EPB41L4B: variants seen among roughly 807,000 people sequenced by gnomAD.
The protein encoded by EPB41L4B is erythrocyte membrane protein band 4.1 like 4B.
In EPB41L4B, 30 loss-of-function variants were observed where a neutral mutation model predicts 112.5. The observed-to-expected ratio is 0.27, with a 90% CI of 0.20 to 0.36. EPB41L4B has a LOEUF of 0.36. Among genes scored for constraint, EPB41L4B ranks in the 10% least tolerant of loss-of-function variants. The probability of loss-of-function intolerance (pLI) is 1.00; values close to 1 mark genes in which losing one functional copy is unlikely to be tolerated. For missense variants in EPB41L4B, 1,024 were observed against 1,133.3 expected (o/e 0.90, Z 1.38); for synonymous variants, 408 against 439.7 (o/e 0.93, Z 0.90).
At chr9:109,238,026 T>C (rs1461606357) in intron 15 of EPB41L4B, among the ~76,000 whole-genome samples, 1 of 151,814 alleles carries the variant, frequency 6.6e-6, no homozygotes, top group Non-Finnish European at 1.5e-5. Flanking sequence ...GGATGAAGGG[T>C]GAGAGGCAAG....
chr9:109,319,598 C>T (rs936481436), intron 1 of EPB41L4B, among the ~76,000 whole-genome samples: 1 of 152,220 alleles, frequency 6.6e-6, no homozygotes, highest in African/African-American at 2.4e-5. Context: ...CAGAAATGGT[C>T]TAACCCCCGC....
At chr9:109,317,958 T>A (rs1837694572) in intron 1 of EPB41L4B, among the ~76,000 whole-genome samples, 2 of 152,194 alleles carry the variant, frequency 1.3e-5, no homozygotes, top group African/African-American at 4.8e-5. Flanking sequence ...TAACTCAGAA[T>A]TAATTACAGG....
intron 18 of EPB41L4B, among the ~76,000 whole-genome samples, chr9:109,206,974 T>C (rs1833009715): frequency 1.3e-5 from 2 of 152,196 alleles, no homozygotes; most frequent in Admixed American, 6.5e-5. Flanking sequence ...CACTGGCAGA[T>C]CCAGCTGCAT....
chr9:109,319,566 T>G (rs1010807776), intron 1 of EPB41L4B, among the ~76,000 whole-genome samples: 2 of 152,062 alleles, frequency 1.3e-5, no homozygotes, highest in African/African-American at 4.8e-5. Context: ...ATGGGGTGTA[T>G]CCAGAAGGGA....
At chr9:109,228,093 T>G (rs899929172) in intron 15 of EPB41L4B, among the ~76,000 whole-genome samples, 1 of 152,232 alleles carries the variant, frequency 6.6e-6, no homozygotes, top group Non-Finnish European at 1.5e-5. Flanking sequence ...AGAATAATAT[T>G]GAATATCAGC....
At chr9:109,319,819 G>A (rs1237684170) in intron 1 of EPB41L4B, among the ~76,000 whole-genome samples, 2 of 152,018 alleles carry the variant, frequency 1.3e-5, no homozygotes, top group African/African-American at 2.4e-5. Context: ...ACCCACACCA[G>A]GGGGGGCGGG....
intron 6 of EPB41L4B, 128 bp from the exon 7 acceptor site, chr9:109,258,425 C>CGAAAGGAGAGAG: frequency 1.0e-6 from 1 of 967,434 alleles, no homozygotes; most frequent in Non-Finnish European, 1.5e-6. Flanking sequence ...TAACTCTCTC[C>CGAAAGGAGAGAG]TTTCGGGAAG....
chr9:109,202,395 G>A (rs1832865197), intron 19 of EPB41L4B, among the ~76,000 whole-genome samples: 1 of 152,144 alleles, frequency 6.6e-6, no homozygotes, highest in African/African-American at 2.4e-5. Context: ...CTAGGTGCCC[G>A]CTAACATGAT....
chr9:109,217,511 G>A (rs922429440), intron 15 of EPB41L4B, among the ~76,000 whole-genome samples: 6 of 152,066 alleles, frequency 3.9e-5, no homozygotes, highest in Non-Finnish European at 7.4e-5. Context: ...GAAGTCTTGG[G>A]GTCAGTTTCT....
At chr9:109,219,853 T>C (rs1423940316) in intron 15 of EPB41L4B, among the ~76,000 whole-genome samples, 1 of 152,084 alleles carries the variant, frequency 6.6e-6, no homozygotes, top group African/African-American at 2.4e-5. Context: ...CTGTGTGTAA[T>C]GGGTAAGCTG....
chr9:109,312,035 AC>A lies in EPB41L4B; in HGVS notation c.306+8105del, dbSNP rs1291046904. On this transcript the variant is annotated intron_variant, in intron 1 of 25. Coordinates refer to ENST00000374566, the MANE Select transcript of EPB41L4B (RefSeq NM_019114.5). ...CCAGAGACAGGTATTACTCACTCAA[AC>A]CACATCACACACAGCAGAGAATAAG... Among the ~76,000 whole-genome samples the A allele has an allele frequency of 2.6e-5, 4 of 152,206 alleles. No individual in the cohort carries two copies. The East Asian group carries it at 7.7e-4, about 29-fold the overall frequency.
At position 109,310,975 on chromosome 9, in the gene EPB41L4B, T is replaced by C. The variant is rs1564337961; in HGVS notation, c.306+9166A>G. ...ACTGTAGGATTCCACTTATATGGGGTACCTAGAGTAGCTAAATTCATAGAC... is the reference window on the plus strand; with the variant it reads ...ACTGTAGGATTCCACTTATATGGGGCACCTAGAGTAGCTAAATTCATAGAC... On this transcript the variant is annotated intron_variant, in intron 1 of 25. Coordinates refer to ENST00000374566, the MANE Select transcript of EPB41L4B (RefSeq NM_019114.5). Among the ~76,000 whole-genome samples the C allele has an allele frequency of 2.6e-5, 4 of 152,120 alleles. No homozygotes were observed. The South Asian group carries it at 8.3e-4, about 32-fold the overall frequency.
chr9:109,292,853 C>T (rs1449726890), intron 1 of EPB41L4B, among the ~76,000 whole-genome samples: 3 of 152,166 alleles, frequency 2.0e-5, no homozygotes, highest in Non-Finnish European at 4.4e-5. Flanking sequence ...TCCTAGGAAG[C>T]TTGCTCTAGA....
At chr9:109,183,760 G>A (rs968554904) in intron 23 of EPB41L4B, among the ~76,000 whole-genome samples, 1 of 152,228 alleles carries the variant, frequency 6.6e-6, no homozygotes, top group African/African-American at 2.4e-5. Context: ...GGCCACCACT[G>A]CCCAGGGGCA....
intron 24 of EPB41L4B, among the ~76,000 whole-genome samples, chr9:109,181,292 G>A (rs1430614579): frequency 6.6e-6 from 1 of 152,142 alleles, no homozygotes; most frequent in Non-Finnish European, 1.5e-5. Context: ...ATGAGCCACT[G>A]TGCCTAGCCT....
intron 17 of EPB41L4B, among the ~76,000 whole-genome samples, chr9:109,211,330 C>T (rs1170273744): frequency 6.6e-6 from 1 of 152,172 alleles, no homozygotes; most frequent in Non-Finnish European, 1.5e-5. Flanking sequence ...CATGGTGGCT[C>T]ATGCCTGTAA....
intron 1 of EPB41L4B, among the ~76,000 whole-genome samples, chr9:109,291,316 C>T (rs1836519182): frequency 6.6e-6 from 1 of 152,112 alleles, no homozygotes; most frequent in Non-Finnish European, 1.5e-5. Context: ...CCCAATTTAA[C>T]ACATAAATAC....
chr9:109,255,478 G>A (rs1237588646), intron 11 of EPB41L4B, 33 bp downstream of exon 11: 1 of 1,607,232 alleles, frequency 6.2e-7, no homozygotes, highest in Non-Finnish European at 8.5e-7. Context: ...TCCTTCAGAA[G>A]ACGTGATCCG....
chr9:109,226,689 T>C (rs1487683404), intron 15 of EPB41L4B, among the ~76,000 whole-genome samples: 2 of 61,302 alleles, frequency 3.3e-5, no homozygotes, highest in Non-Finnish European at 6.5e-5. Flanking sequence ...ATGAAGAATA[T>C]ATATATGAAT....
Sources: gnomAD v4.1 joint callset for allele counts (sites outside exome capture counted in the v4.1 genomes callset) on GRCh38, gnomAD v4.1.1 for gene constraint, MANE v1.5 for transcripts, NCBI Gene and HGNC (gene_info 2026-07-23, HGNC 2026-07-21) for gene names.